CREBRF: variants seen among roughly 807,000 people sequenced by gnomAD.
The protein encoded by CREBRF is UPF0474 protein C5orf41.
A neutral mutation model predicts 66.1 loss-of-function variants in CREBRF; 5 were observed. The ratio of observed to expected loss-of-function variants is 0.08; its 90% CI spans 0.04 to 0.16. CREBRF has a LOEUF of 0.16. Ranked by LOEUF, CREBRF falls within the 10% of genes least tolerant of loss-of-function variation. The pLI is 1.00. For synonymous variants in CREBRF, 229 were observed against 264.4 expected (o/e 0.87, Z 1.30); for missense variants, 531 against 744.9 (o/e 0.71, Z 3.34).
At chr5:173,104,533 AG>A (rs1286962086) in intron 4 of CREBRF, among the ~76,000 whole-genome samples, 1 of 152,112 alleles carries the variant, frequency 6.6e-6, no homozygotes, top group Non-Finnish European at 1.5e-5. Flanking sequence ...TACAAAAATT[AG>A]CCCAGTGTAG....
intron 4 of CREBRF, among the ~76,000 whole-genome samples, chr5:173,101,918 G>A (rs1372086113): frequency 6.6e-6 from 1 of 152,116 alleles, no homozygotes; most frequent in Non-Finnish European, 1.5e-5. Flanking sequence ...TTCCTATAAT[G>A]TGCATTTCAT....
At chr5:173,065,122 G>A (rs989556977) in intron 1 of CREBRF, among the ~76,000 whole-genome samples, 1 of 152,138 alleles carries the variant, frequency 6.6e-6, no homozygotes, top group African/African-American at 2.4e-5. Flanking sequence ...ATGTTACGAT[G>A]GTTTTTCAGA....
intron 3 of CREBRF, among the ~76,000 whole-genome samples, chr5:173,087,832 C>G (rs1758205337): frequency 6.6e-6 from 1 of 151,762 alleles, no homozygotes; most frequent in South Asian, 2.1e-4. Context: ...ATTTATTTAT[C>G]TATTTATTTG....
At chr5:173,084,633 C>A (rs7449433) in intron 2 of CREBRF, among the ~76,000 whole-genome samples, 1 of 150,708 alleles carries the variant, frequency 6.6e-6, no homozygotes, top group African/African-American at 2.4e-5. Flanking sequence ...GATTTTTTTT[C>A]TTTTTTATTT....
intron 1 of CREBRF, among the ~76,000 whole-genome samples, chr5:173,077,788 T>C (rs796189535): frequency 5.3e-5 from 8 of 152,344 alleles, no homozygotes; most frequent in African/African-American, 1.9e-4. Context: ...ACTCTCTTTC[T>C]CTGTTCTAAG....
At chr5:173,130,529 C>CT (rs538315894) in intron 8 of CREBRF, among the ~76,000 whole-genome samples, 10,485 of 141,732 alleles carry the variant, frequency 0.074, 536 homozygotes, top group Non-Finnish European at 0.076. Context: ...AAATTCATTG[C>CT]TTTTTTTTTT....
intron 1 of CREBRF, among the ~76,000 whole-genome samples, chr5:173,064,559 A>AT (rs1217486982): frequency 0.038 from 4,121 of 107,536 alleles, 55 homozygotes; most frequent in East Asian, 0.059. Context: ...CACCTGGTTA[A>AT]TTTTTTTTTT....
chr5:173,068,042 A>G (rs1230899167), intron 1 of CREBRF: 4 of 371,560 alleles, frequency 1.1e-5, no homozygotes, highest in Non-Finnish European at 2.1e-5. Context: ...CTGTTTTAAA[A>G]TGTATATCCT....
At chr5:173,103,362 T>C (rs945932969) in intron 4 of CREBRF, among the ~76,000 whole-genome samples, 2 of 152,252 alleles carry the variant, frequency 1.3e-5, no homozygotes, top group Non-Finnish European at 2.9e-5. Flanking sequence ...ATTTGGACTT[T>C]ATTCACATTT....
intron 7 of CREBRF, among the ~76,000 whole-genome samples, chr5:173,122,599 A>ATTG (rs1554126700): frequency 4.5e-4 from 63 of 141,274 alleles, no homozygotes; most frequent in African/African-American, 1.4e-3. Context: ...TATTATTATT[A>ATTG]TTATTATTAT....
At position 173,091,112 on chromosome 5, in the gene CREBRF, TGCA is replaced by T. The variant is rs778458051; in HGVS notation, c.938_940del (p.Ala313del). 1 of 1,614,186 alleles carries T rather than the reference TGCA, an allele frequency of 6.2e-7. No individual in the cohort carries two copies. Among genetic ancestry groups the T allele is most frequent in the South Asian group, 1.1e-5 (1 of 91,084 alleles). ...TGCCCCAGGAAGGTCCTGGGTCACT[TGCA>T]GCAGGAGAGAGCAGCAGTCTTTCTG... On this transcript the variant is annotated inframe_deletion, in exon 4 of 9. Coordinates refer to ENST00000296953, the MANE Select transcript of CREBRF (RefSeq NM_153607.3).
intron 4 of CREBRF, among the ~76,000 whole-genome samples, chr5:173,095,847 A>AT (rs1247349442): frequency 2.0e-5 from 3 of 147,488 alleles, no homozygotes; most frequent in Non-Finnish European, 1.5e-5. Flanking sequence ...TGTAAATGGG[A>AT]TTTTTTTCTA....
intron 8 of CREBRF, among the ~76,000 whole-genome samples, chr5:173,133,404 T>C (rs1201713349): frequency 6.6e-6 from 1 of 152,210 alleles, no homozygotes; most frequent in Non-Finnish European, 1.5e-5. Flanking sequence ...TGGTTTATGA[T>C]TTTTCATGGC....
chr5:173,091,709 T>C, intron 4 of CREBRF: 1 of 1,046,168 alleles, frequency 9.6e-7, no homozygotes, highest in Non-Finnish European at 1.1e-6. Flanking sequence ...TTATTCTTAA[T>C]GTATCTTATG....
intron 1 of CREBRF, among the ~76,000 whole-genome samples, chr5:173,069,197 A>G (rs1484012890): frequency 1.3e-5 from 2 of 152,074 alleles, no homozygotes; most frequent in African/African-American, 2.4e-5. Flanking sequence ...CCATTTATTG[A>G]GTGTCTGTTT....
At position 173,065,905 on chromosome 5, in the gene CREBRF, C is replaced by T. The variant is rs113081087; in HGVS notation, c.-192+9426C>T. On this transcript the variant is annotated intron_variant, in intron 1 of 8. Coordinates refer to ENST00000296953, the MANE Select transcript of CREBRF (RefSeq NM_153607.3). ...ACCCACCTTGGCGTCCCAAAATGTG[C>T]GATTACAGGCGTGACCAACCGCACC... Among the ~76,000 whole-genome samples, 518 of 152,116 alleles carry T rather than the reference C, an allele frequency of 3.4e-3. 2 individuals are homozygous for T. Among genetic ancestry groups the T allele is most frequent in the African/African-American group, 0.012 (479 of 41,490 alleles).
rs373878482 is a variant in CREBRF, at chr5:173,097,041, CA to C, written c.1222+5641del. Among the ~76,000 whole-genome samples, 26 of 152,186 alleles carry C rather than the reference CA, an allele frequency of 1.7e-4. No homozygotes were observed. In the East Asian group the frequency reaches 2.5e-3, roughly 15 times the overall value. ...TGAGGATTTTTGCATCCATGTCCAT[CA>C]GGGGTACTGGCCTGTGATTTTCTTA... On this transcript the variant is annotated intron_variant, in intron 4 of 8. Coordinates refer to ENST00000296953, the MANE Select transcript of CREBRF (RefSeq NM_153607.3).
rs762344851 is a variant in CREBRF, at chr5:173,139,199, ACC to A, written c.*5457_*5458del. 3.9e-5 allele frequency: 6 copies of A among 151,940 alleles called. No homozygotes were observed. Among genetic ancestry groups the A allele is most frequent in the Admixed American group, 2.6e-4 (4 of 15,212 alleles). The allele number at this position is 151,940 out of a possible 1,614,324, so 9.4% of individuals were successfully genotyped here. ...TGCCTTTGTTTTCTGTCACCTTCCA[ACC>A]CCTGAGCACTTCTAGTCAGATACAG... On this transcript the variant is annotated 3_prime_UTR_variant, in exon 9 of 9. Transcript: ENST00000296953.
chr5:173,086,278 T>C, intron 2 of CREBRF: 2 of 665,708 alleles, frequency 3.0e-6, no homozygotes, highest in South Asian at 3.5e-5. Flanking sequence ...CACTGGGGCA[T>C]TGGCAGCACT....
Sources: gnomAD v4.1 joint callset for allele counts (sites outside exome capture counted in the v4.1 genomes callset) on GRCh38, gnomAD v4.1.1 for gene constraint, MANE v1.5 for transcripts, NCBI Gene and HGNC (gene_info 2026-07-23, HGNC 2026-07-21) for gene names.